Variants in PTS observed in about 807,000 individuals in gnomAD.
PTS encodes 6-pyruvoyl tetrahydrobiopterin synthase.
A neutral mutation model predicts 20.6 loss-of-function variants in PTS; 23 were observed. The ratio of observed to expected loss-of-function variants is 1.12; its 90% confidence interval spans 0.80 to 1.58. The LOEUF is 1.58. PTS is among the 40% of genes most tolerant of loss of function. The pLI, the probability that PTS is intolerant of heterozygous loss-of-function variation, is 0.00. For missense variants in PTS, 186 were observed against 182.4 expected (o/e 1.02, Z -0.11); for synonymous variants, 65 against 62.5 (o/e 1.04, Z -0.19).
At chr11:112,231,847 C>T (rs937955582) in intron 4 of PTS, among the ~76,000 whole-genome samples, 18 of 100,970 alleles carry the variant, frequency 1.8e-4, no homozygotes, top group African/African-American at 6.3e-4. Flanking sequence ...ATTTATGGGG[C>T]AGGGGTTGGG....
intron 4 of PTS, among the ~76,000 whole-genome samples, chr11:112,232,604 G>A (rs776672431): frequency 6.9e-4 from 105 of 152,088 alleles, no homozygotes; most frequent in Non-Finnish European, 1.2e-3. Flanking sequence ...AAAACATTAT[G>A]TTAATATACA....
At chr11:112,231,787 C>T (rs1053974448) in intron 4 of PTS, among the ~76,000 whole-genome samples, 4 of 148,970 alleles carry the variant, frequency 2.7e-5, no homozygotes, top group Admixed American at 1.4e-4. Flanking sequence ...GAAGAAACAG[C>T]ACTATGCTCA....
intron 4 of PTS, among the ~76,000 whole-genome samples, chr11:112,232,782 T>C (rs1426587726): frequency 6.6e-6 from 1 of 152,232 alleles, no homozygotes. Context: ...CCTTATGATA[T>C]TGTGGCATTG....
chr11:112,230,265 A>G (rs771548537), intron 3 of PTS, 35 bp downstream of exon 3: 2 of 1,603,428 alleles, frequency 1.2e-6, no homozygotes, highest in South Asian at 2.2e-5. Context: ...GTTTTTGCAG[A>G]TTGCTGGGCT....
Position 112,233,750 on chromosome 11 carries a change from C to A in PTS, c.*195C>A. On this transcript the variant is annotated 3_prime_UTR_variant, in exon 6 of 6. Transcript: ENST00000280362. ...TTAAAACTAAACTTGTAATATACAT[C>A]CTGAAAATCATTTAGAGAGTCTTTT... is the stretch of plus-strand genomic sequence containing the variant. 1 of 582,498 alleles carries A rather than the reference C, an allele frequency of 1.7e-6. No individual in the cohort carries two copies. The highest frequency in any genetic ancestry group is 5.1e-5 in the South Asian group (1 of 19,600). The allele number at this position is 582,498 out of a possible 1,614,324, so 36.1% of individuals were successfully genotyped here. A position where few individuals can be genotyped will look rare whatever the true frequency, so the allele number is the denominator to read the frequency against.
chr11:112,226,924 A>G (rs1859872972), intron 1 of PTS, among the ~76,000 whole-genome samples: 1 of 151,042 alleles, frequency 6.6e-6, no homozygotes, highest in African/African-American at 2.4e-5. Flanking sequence ...CGCGGCGTAG[A>G]CACTCAGTAA....
At chr11:112,231,920 CA>C (rs1283822574) in intron 4 of PTS, among the ~76,000 whole-genome samples, 1 of 88,276 alleles carries the variant, frequency 1.1e-5, no homozygotes, top group African/African-American at 4.8e-5. Flanking sequence ...GAGGGGAGGA[CA>C]GGGGAGGAGA....
intron 2 of PTS, 126 bp from the exon 3 acceptor site, chr11:112,230,082 T>G (rs1859910255): frequency 1.0e-6 from 1 of 966,816 alleles, no homozygotes; most frequent in African/African-American, 1.6e-5. Context: ...TATTTAAGTA[T>G]AGCTTTTGGG....
chr11:112,228,198 TAGTA>T (rs951262175), intron 1 of PTS: 17 of 182,252 alleles, frequency 9.3e-5, no homozygotes, highest in African/African-American at 2.4e-4. Flanking sequence ...AGAAATGAGA[TAGTA>T]AGCCACTTTG....
Position 112,233,204 on chromosome 11 carries a change from G to A in PTS, c.285G>A (p.Met95Ile). Reference protein sequence around the residue: ...MQPLDHKNLDMDVPYFADVVS... With the variant: ...MQPLDHKNLDIDVPYFADVVS... ...CCCTTGATCATAAGAATCTGGATATGGATGTGCCATACTTTGCAGATGTGG... is the reference window on the plus strand; with the variant it reads ...CCCTTGATCATAAGAATCTGGATATAGATGTGCCATACTTTGCAGATGTGG... Residue 95 changes from methionine to isoleucine, a missense_variant, in exon 5 of 6, where the codon ATG (methionine) becomes ATA (isoleucine). Physicochemically the swap from Met to Ile is conservative, Grantham distance 10. Transcript: ENST00000280362. 6.2e-7 allele frequency: 1 copy of A among 1,614,112 alleles called. No individual in the cohort carries two copies. The highest frequency in any genetic ancestry group is 8.5e-7 in the Non-Finnish European group (1 of 1,179,970).
chr11:112,232,726 C>T (rs1484222232), intron 4 of PTS, among the ~76,000 whole-genome samples: 3 of 152,174 alleles, frequency 2.0e-5, no homozygotes, highest in African/African-American at 4.8e-5. Context: ...TACATAATTT[C>T]AGTCTAGGTC....
chr11:112,229,058 AG>A (rs1420230427), intron 2 of PTS: 2 of 229,136 alleles, frequency 8.7e-6, no homozygotes, highest in Non-Finnish European at 1.7e-5. Flanking sequence ...GCAGAAAAAT[AG>A]GTTTGGTCTA....
chr11:112,233,483 T>G lies in PTS; in HGVS notation c.366T>G (p.Leu122=), dbSNP rs1859971082. 2 of 1,613,720 alleles carry G rather than the reference T, an allele frequency of 1.2e-6. No homozygotes were observed. The highest frequency in any genetic ancestry group is 1.7e-6 in the Non-Finnish European group (2 of 1,179,858). The change falls in exon 6 of 6, where the codon CTT becomes CTG. Residue 122 remains leucine, a synonymous_variant. Transcript: ENST00000280362. The part of the protein sequence containing the change: ...VYIWDNLQKV[L]PVGVLYKVKV... ...TCTGGGACAACCTCCAGAAAGTTCT[T>G]CCTGTAGGAGTTCTTTATAAAGTAA...
At chr11:112,227,244 C>T (rs1386431381) in intron 1 of PTS, among the ~76,000 whole-genome samples, 1 of 152,030 alleles carries the variant, frequency 6.6e-6, no homozygotes, top group Non-Finnish European at 1.5e-5. Context: ...ATGACCATCG[C>T]TATCTAACAG....
At chr11:112,227,725 T>G (rs1398807090) in intron 1 of PTS, among the ~76,000 whole-genome samples, 1 of 152,072 alleles carries the variant, frequency 6.6e-6, no homozygotes, top group Non-Finnish European at 1.5e-5. Flanking sequence ...ACTCACTCAT[T>G]GCTTCAGGGA....
Position 112,230,211 on chromosome 11 carries a change from T to G in PTS, c.167T>G (p.Val56Gly), listed in dbSNP as rs1781758667. The G allele has an allele frequency of 1.2e-6, 2 of 1,613,532 alleles. No individual in the cohort carries two copies. Among genetic ancestry groups the G allele is most frequent in the African/African-American group, 2.7e-5 (2 of 74,900 alleles). ...GTATTTTGTTTTCTTTCCATAGTTG[T>G]GGTGACAGTACATGGAGAGGTATGT... ...PNGHGHNYKV[V>G]VTVHGEIDPA... is the part of the protein sequence containing the mutation. Residue 56 changes from valine (V) to glycine (G), a missense_variant, in exon 3 of 6, where the codon GTG becomes GGG. By Grantham distance (109) the Val-to-Gly change is moderately radical. Transcript: ENST00000280362.
rs1350254285 is a variant in PTS, at chr11:112,233,682, T to C, written c.*127T>C. ...TACACATTGTGCTCTGGAGTGCCTA[T>C]TTATTGAAATCATTGTAAGACCTGT... On this transcript the variant is annotated 3_prime_UTR_variant, in exon 6 of 6. Transcript: ENST00000280362. The C allele has an allele frequency of 4.3e-6, 6 of 1,391,042 alleles. No homozygotes were observed. The highest frequency in any genetic ancestry group is 5.8e-6 in the Non-Finnish European group (6 of 1,036,754). The allele number at this position is 1,391,042 out of a possible 1,614,324, so 86.2% of individuals were successfully genotyped here. A position where few individuals can be genotyped will look rare whatever the true frequency, so the allele number is the denominator to read the frequency against.
Position 112,233,145 on chromosome 11 carries a change from C to G in PTS, c.244-18C>G, listed in dbSNP as rs1414632642. The stretch of plus-strand genomic sequence containing the variant: ...CGTAAATGGAGTCAATGATATTTTC[C>G]CTTGGTTTTGTCTCTAGGAGGCGAT... On this transcript the variant is annotated intron_variant, in intron 4 of 5. Coordinates refer to ENST00000280362, the MANE Select transcript of PTS (RefSeq NM_000317.3). 1 of 1,606,288 alleles carries G rather than the reference C, an allele frequency of 6.2e-7. No individual in the cohort carries two copies. The highest frequency in any genetic ancestry group is 8.5e-7 in the Non-Finnish European group (1 of 1,172,892).
intron 5 of PTS, 66 bp downstream of exon 5, chr11:112,233,299 G>T (rs1181368688): frequency 6.4e-7 from 1 of 1,561,918 alleles, no homozygotes; most frequent in African/African-American, 1.4e-5. Flanking sequence ...TACTTTGATT[G>T]TTGTGTGATT....
Sources: gnomAD v4.1 joint callset for allele counts (sites outside exome capture counted in the v4.1 genomes callset) on GRCh38, gnomAD v4.1.1 for gene constraint, MANE v1.5 for transcripts, NCBI Gene and HGNC (gene_info 2026-07-23, HGNC 2026-07-21) for gene names.